B3GALT1: variants seen among roughly 807,000 people sequenced by gnomAD.
B3GALT1 encodes beta-1,3-galactosyltransferase 1, also known as UDP-Gal:betaGlcNAc beta 1,3-galactosyltransferase, polypeptide 1.
B3GALT1 carries 10 observed loss-of-function variants against 23.2 expected under a neutral mutation model. That is an observed-to-expected ratio of 0.43 (90% CI 0.27 to 0.73). The LOEUF (loss-of-function observed/expected upper bound fraction) is 0.73, where lower values mean the gene tolerates loss of function less well. Among genes scored for constraint, B3GALT1 ranks in the 30% least tolerant of loss-of-function variants. The pLI is 0.21. For synonymous variants in B3GALT1, 156 were observed against 141.5 expected (o/e 1.10, Z -0.73); for missense variants, 299 against 405.4 (o/e 0.74, Z 2.25).
At chr2:167,391,921 A>G (rs1698019239) in intron 1 of B3GALT1, among the ~76,000 whole-genome samples, 1 of 152,148 alleles carries the variant, frequency 6.6e-6, no homozygotes, top group Non-Finnish European at 1.5e-5. Flanking sequence ...TCCCACTTTT[A>G]ATAAGTCAAA....
At chr2:167,741,516 A>G (rs1022928951) in intron 3 of B3GALT1, among the ~76,000 whole-genome samples, 4 of 152,202 alleles carry the variant, frequency 2.6e-5, no homozygotes, top group African/African-American at 9.7e-5. Context: ...CATTGTTTCC[A>G]AATTATTTAG....
chr2:167,836,482 G>C (rs1432139797), intron 4 of B3GALT1, among the ~76,000 whole-genome samples: 1 of 152,152 alleles, frequency 6.6e-6, no homozygotes, highest in Non-Finnish European at 1.5e-5. Context: ...AGAGAAAAAA[G>C]AATAAAAAGA....
chr2:167,564,521 G>T (rs1303857511), intron 2 of B3GALT1, among the ~76,000 whole-genome samples: 1 of 152,164 alleles, frequency 6.6e-6, no homozygotes, highest in African/African-American at 2.4e-5. Context: ...ACGCCGGGAG[G>T]TGGAGGCCGC....
chr2:167,864,781 G>GA (rs1262083072), intron 4 of B3GALT1, among the ~76,000 whole-genome samples: 2 of 152,046 alleles, frequency 1.3e-5, no homozygotes, highest in African/African-American at 4.8e-5. Context: ...GTCAAATGGA[G>GA]AAAATTGTAC....
intron 4 of B3GALT1, among the ~76,000 whole-genome samples, chr2:167,828,694 C>G (rs1689280803): frequency 6.6e-6 from 1 of 152,214 alleles, no homozygotes; most frequent in South Asian, 2.1e-4. Flanking sequence ...TGAGTGCTTA[C>G]TCTATGCTAA....
intron 3 of B3GALT1, among the ~76,000 whole-genome samples, chr2:167,801,201 GA>G (rs1688632029): frequency 6.6e-6 from 1 of 152,158 alleles, no homozygotes; most frequent in Non-Finnish European, 1.5e-5. Context: ...GAGCAATAGT[GA>G]AAACAAAACC....
chr2:167,455,770 C>T (rs1699160510), intron 1 of B3GALT1, among the ~76,000 whole-genome samples: 1 of 152,180 alleles, frequency 6.6e-6, no homozygotes, highest in Non-Finnish European at 1.5e-5. Context: ...GCCTAAGCCT[C>T]CCATAGTGCT....
intron 3 of B3GALT1, among the ~76,000 whole-genome samples, chr2:167,748,254 A>G (rs1345036616): frequency 1.3e-5 from 2 of 152,104 alleles, no homozygotes; most frequent in African/African-American, 4.8e-5. Flanking sequence ...TGCTATAAAG[A>G]TTGGCAGTTG....
chr2:167,445,689 G>A (rs997522503), intron 1 of B3GALT1, among the ~76,000 whole-genome samples: 5 of 152,022 alleles, frequency 3.3e-5, no homozygotes, highest in African/African-American at 1.2e-4. Context: ...TGGAACCCCT[G>A]CTTTTTTTTT....
intron 3 of B3GALT1, among the ~76,000 whole-genome samples, chr2:167,780,939 A>C (rs1256091334): frequency 2.0e-5 from 3 of 152,214 alleles, no homozygotes; most frequent in African/African-American, 7.2e-5. Flanking sequence ...ACTAAGTGCT[A>C]CTGAACTGTT....
chr2:167,758,838 G>C (rs1343556039), intron 3 of B3GALT1, among the ~76,000 whole-genome samples: 2 of 152,160 alleles, frequency 1.3e-5, no homozygotes, highest in African/African-American at 2.4e-5. Context: ...CCCTGACCCA[G>C]TCAGCTGTGG....
chr2:167,747,848 C>T (rs1687675783), intron 3 of B3GALT1, among the ~76,000 whole-genome samples: 1 of 152,162 alleles, frequency 6.6e-6, no homozygotes, highest in African/African-American at 2.4e-5. Flanking sequence ...AATTTCAAAA[C>T]AAATGTGTAA....
At chr2:167,319,213 C>T (rs189737025) in intron 1 of B3GALT1, among the ~76,000 whole-genome samples, 52 of 152,202 alleles carry the variant, frequency 3.4e-4, no homozygotes, top group African/African-American at 1.2e-3. Context: ...CATTAATCTC[C>T]ATGTCCTTGA....
intron 2 of B3GALT1, among the ~76,000 whole-genome samples, chr2:167,506,730 C>A (rs796232834): frequency 6.6e-6 from 1 of 151,682 alleles, no homozygotes; most frequent in South Asian, 2.1e-4. Flanking sequence ...GCATAATACA[C>A]ACATAGATAA....
intron 2 of B3GALT1, among the ~76,000 whole-genome samples, chr2:167,499,309 A>G (rs879675578): frequency 4.3e-4 from 65 of 152,256 alleles, no homozygotes; most frequent in Non-Finnish European, 6.5e-4. Flanking sequence ...TCTGTGATAA[A>G]AATCACCACA....
chr2:167,358,890 C>T (rs1559074498), intron 1 of B3GALT1, among the ~76,000 whole-genome samples: 3 of 152,224 alleles, frequency 2.0e-5, no homozygotes, highest in South Asian at 2.1e-4. Context: ...GCAACCTCTG[C>T]CTCCTGGGTT....
At chr2:167,666,350 A>G (rs950461077) in intron 3 of B3GALT1, among the ~76,000 whole-genome samples, 28 of 152,246 alleles carry the variant, frequency 1.8e-4, no homozygotes, top group African/African-American at 3.6e-4. Context: ...TACATTTGCT[A>G]AGGAGAGCTT....
intron 1 of B3GALT1, among the ~76,000 whole-genome samples, chr2:167,419,644 C>T (rs536354780): frequency 6.6e-6 from 1 of 152,152 alleles, no homozygotes; most frequent in African/African-American, 2.4e-5. Context: ...ATCATTCATA[C>T]CCAAATAATG....
At chr2:167,610,313 A>G (rs1195745216) in intron 2 of B3GALT1, among the ~76,000 whole-genome samples, 1 of 152,138 alleles carries the variant, frequency 6.6e-6, no homozygotes, top group East Asian at 1.9e-4. Context: ...CTTAAAATCA[A>G]TGGCCTTCTT....
Sources: gnomAD v4.1 joint callset for allele counts (sites outside exome capture counted in the v4.1 genomes callset) on GRCh38, gnomAD v4.1.1 for gene constraint, MANE v1.5 for transcripts, NCBI Gene and HGNC (gene_info 2026-07-23, HGNC 2026-07-21) for gene names.